HELQ: variants seen among roughly 807,000 people sequenced by gnomAD.
HELQ encodes the protein helicase POLQ-like.
HELQ carries 77 observed loss-of-function variants against 111.6 expected under a neutral mutation model. That is an observed-to-expected ratio of 0.69 (90% CI 0.57 to 0.83). The LOEUF is 0.83. Among genes scored for constraint, HELQ ranks in the 40% least tolerant of loss-of-function variants. The pLI is 0.00. For synonymous variants in HELQ, 438 were observed against 454.7 expected (o/e 0.96, Z 0.47); for missense variants, 1,200 against 1,288.5 (o/e 0.93, Z 1.05).
intron 16 of HELQ, among the ~76,000 whole-genome samples, 193 bp downstream of exon 16, chr4:83,417,900 T>A (rs765926831): frequency 6.6e-6 from 1 of 152,024 alleles, no homozygotes; most frequent in Non-Finnish European, 1.5e-5. Context: ...TTTCATCAGG[T>A]ATGCCATCTA....
chr4:83,455,462 C>CA lies in HELQ; in HGVS notation c.231dup (p.Gly78TrpfsTer4). 6.2e-7 allele frequency: 1 copy of CA among 1,614,200 alleles called. No homozygotes were observed. The highest frequency in any genetic ancestry group is 1.1e-5 in the South Asian group (1 of 91,084). On this transcript the variant is annotated frameshift_variant, in exon 1 of 18. Coordinates refer to ENST00000295488, the MANE Select transcript of HELQ (RefSeq NM_133636.5). LOFTEE classifies it high-confidence loss of function. ...AGGTCCGGGTTTGTATCACCACCTC[C>CA]AAGGACGAGACATTCCGGGGAATCT...
Position 83,441,330 on chromosome 4 carries a change from G to A in HELQ, c.1637C>T (p.Thr546Ile). The A allele has an allele frequency of 6.3e-7, 1 of 1,590,150 alleles. No homozygotes were observed. Among genetic ancestry groups the A allele is most frequent in the South Asian group, 1.1e-5 (1 of 89,250 alleles). Residue 546 changes from threonine (T) to isoleucine (I), a missense_variant, in exon 7 of 18, where the codon ACT becomes ATT. By Grantham distance (89) the Thr-to-Ile change is moderately conservative. Transcript: ENST00000295488. Reference sequence around the variant, plus strand: ...CTTATAATTAAGAAGACGTGAAAAAGTCATGCCATTCTCAGCTTTGCTGTC... The same window carrying A: ...CTTATAATTAAGAAGACGTGAAAAAATCATGCCATTCTCAGCTTTGCTGTC... The part of the protein sequence containing the change: ...EVDSKAENGM[T>I]FSRLLNYKYS...
chr4:83,443,579 T>C lies in HELQ; in HGVS notation c.1501A>G (p.Asn501Asp). 1 of 1,587,516 alleles carries C rather than the reference T, an allele frequency of 6.3e-7. No homozygotes were observed. Among genetic ancestry groups the C allele is most frequent in the Non-Finnish European group, 8.6e-7 (1 of 1,159,060 alleles). ...AACTTTTGTAGGTCTTCAACATTGT[T>C]TAATGTTGCACTCATACCAATAATT... ...TQIIGMSATL[N>D]NVEDLQKFLQ... Residue 501 changes from asparagine (N) to aspartate (D), a missense_variant, in exon 6 of 18, where the codon AAC (asparagine) becomes GAC (aspartate). This residue lies in a region of HELQ where 610 missense variants were observed against 607.1 expected (regional missense o/e 1.00). Transcript: ENST00000295488.
chr4:83,423,109 T>C (rs1338835473), intron 14 of HELQ, among the ~76,000 whole-genome samples: 2 of 151,896 alleles, frequency 1.3e-5, no homozygotes, highest in African/African-American at 2.4e-5. Context: ...GGCAAAAAGA[T>C]GAACTTAAAA....
chr4:83,418,585 A>G (rs1739485287), intron 15 of HELQ, among the ~76,000 whole-genome samples: 1 of 152,246 alleles, frequency 6.6e-6, no homozygotes, highest in South Asian at 2.1e-4. Flanking sequence ...CAAATGTAAC[A>G]TGATGTTCAA....
At position 83,453,514 on chromosome 4, in the gene HELQ, G is replaced by C. The variant is rs1438432073; in HGVS notation, c.729C>G (p.Pro243=). 1 of 1,613,736 alleles carries C rather than the reference G, an allele frequency of 6.2e-7. No homozygotes were observed. The highest frequency in any genetic ancestry group is 1.7e-5 in the Admixed American group (1 of 59,942). ...TGGAAGAGGACTCATCATTTTGCTG[G>C]GGTTGCTCTATGCAATTATGGGGCA... The part of the protein sequence containing the change: ...EELPHNCIEQ[P]QQNDESSSKV... The change falls in exon 2 of 18, where the codon CCC becomes CCG. Residue 243 remains proline, a synonymous_variant. Transcript: ENST00000295488.
chr4:83,455,502 C>CT lies in HELQ; in HGVS notation c.191dup (p.Pro65AlafsTer17). The CT allele has an allele frequency of 1.9e-6, 3 of 1,614,166 alleles. No individual in the cohort carries two copies. The highest frequency in any genetic ancestry group is 2.2e-5 in the South Asian group (2 of 91,082). On this transcript the variant is annotated frameshift_variant, in exon 1 of 18. Coordinates refer to ENST00000295488, the MANE Select transcript of HELQ (RefSeq NM_133636.5). LOFTEE classifies it high-confidence loss of function. ...CCGGGGAATCTGAGAGTAGAAGGGG[C>CT]TGTACCTCAACCGGCAGTACGCCCG...
In HELQ at chr4:83,453,523, T is replaced by C. The variant is rs1231542084; in HGVS notation, c.720A>G (p.Ile240Met). 1 of 1,613,774 alleles carries C rather than the reference T, an allele frequency of 6.2e-7. No individual in the cohort carries two copies. The highest frequency in any genetic ancestry group is 8.5e-7 in the Non-Finnish European group (1 of 1,179,926). ...ACTCATCATTTTGCTGGGGTTGCTC[T>C]ATGCAATTATGGGGCAGTTCCTCAT... ...TVNEELPHNCIEQPQQNDESS... is the reference protein window; with the variant it reads ...TVNEELPHNCMEQPQQNDESS... The change falls in exon 2 of 18, where the codon ATA becomes ATG. Residue 240 changes from isoleucine (I) to methionine (M), a missense_variant. Ile to Met is a conservative substitution (Grantham distance 10). This residue lies in a region of HELQ where 610 missense variants were observed against 607.1 expected (regional missense o/e 1.00). Transcript: ENST00000295488.
At chr4:83,439,192 C>A (rs7660458) in intron 8 of HELQ, among the ~76,000 whole-genome samples, 10,411 of 151,782 alleles carry the variant, frequency 0.069, 1,216 homozygotes, top group African/African-American at 0.24. Flanking sequence ...CTTAGCCTCC[C>A]GAGTAGCTAG....
intron 17 of HELQ, among the ~76,000 whole-genome samples, chr4:83,414,238 G>C (rs1166369980): frequency 6.6e-6 from 1 of 152,138 alleles, no homozygotes; most frequent in Non-Finnish European, 1.5e-5. Flanking sequence ...ACAGTACATT[G>C]TAGGCAGCTT....
At chr4:83,417,150 C>T (rs1258879037) in intron 16 of HELQ, among the ~76,000 whole-genome samples, 1 of 151,908 alleles carries the variant, frequency 6.6e-6, no homozygotes, top group Non-Finnish European at 1.5e-5. Context: ...CTCATATCCT[C>T]AAGTAAAATG....
chr4:83,410,920 G>A (rs1739050689), intron 17 of HELQ, among the ~76,000 whole-genome samples: 1 of 151,764 alleles, frequency 6.6e-6, no homozygotes, highest in Non-Finnish European at 1.5e-5. Context: ...GGAGGCCAAG[G>A]TGGGCAGATT....
rs372487292 is a variant in HELQ at position 83,429,625 on chromosome 4, A to G, written c.2417T>C (p.Leu806Pro). The G allele has an allele frequency of 3.9e-5, 63 of 1,612,306 alleles. No homozygotes were observed. Among genetic ancestry groups the G allele is most frequent in the Non-Finnish European group, 5.3e-5 (63 of 1,178,660 alleles). Residue 806 changes from leucine to proline, a missense_variant, in exon 12 of 18, where the codon CTG becomes CCG. By Grantham distance (98) the Leu-to-Pro change is moderately conservative (BLOSUM62 -3). Around this residue, in one of 3 missense-constraint regions of HELQ, gnomAD observed 585 missense variants for 665.3 expected, o/e 0.88. Transcript: ENST00000295488. ...WEITVESLRYLTEKGLLQKDT... is the reference protein window; with the variant it reads ...WEITVESLRYPTEKGLLQKDT... ...TTTTTGTAGGAGTCCTTTTTCTGTC[A>G]GGTATCTAAGTGATTCAACAGTTAT...
intron 11 of HELQ, among the ~76,000 whole-genome samples, chr4:83,431,308 C>A (rs796538608): frequency 4.6e-5 from 7 of 151,972 alleles, no homozygotes; most frequent in African/African-American, 1.7e-4. Flanking sequence ...CAACCACTTG[C>A]CAAGCATTAG....
intron 8 of HELQ, 115 bp from the exon 9 acceptor site, chr4:83,437,212 G>T: frequency 2.1e-6 from 2 of 964,432 alleles, no homozygotes; most frequent in Non-Finnish European, 3.1e-6. Flanking sequence ...TATTTCCATT[G>T]AGTTAAGTAC....
chr4:83,415,273 G>C (rs774388686), intron 17 of HELQ, among the ~76,000 whole-genome samples: 26 of 152,230 alleles, frequency 1.7e-4, no homozygotes, highest in Non-Finnish European at 2.9e-4. Context: ...ATTTAATACA[G>C]ATAAAAGCAA....
intron 2 of HELQ, among the ~76,000 whole-genome samples, chr4:83,450,854 G>A (rs1721324822): frequency 6.6e-6 from 1 of 152,032 alleles, no homozygotes; most frequent in South Asian, 2.1e-4. Context: ...TAGTCCCCAC[G>A]ACTTGGGAGG....
rs943639352 is a variant in HELQ, at chr4:83,407,416, T to C, written c.*37A>G. 13 of 1,304,308 alleles carry C rather than the reference T, an allele frequency of 1.0e-5. No homozygotes were observed. The highest frequency in any genetic ancestry group is 1.2e-5 in the Non-Finnish European group (11 of 925,458). The allele number at this position is 1,304,308 out of a possible 1,614,324, so 80.8% of individuals were successfully genotyped here. A position where few individuals can be genotyped will look rare whatever the true frequency, so the allele number is the denominator to read the frequency against. ...TATCTTTAATAACACACATGTACAA[T>C]AAATAATTCATATATGAAAATTCTC... On this transcript the variant is annotated 3_prime_UTR_variant, in exon 18 of 18. Transcript: ENST00000295488.
chr4:83,455,132 C>A, intron 1 of HELQ: 1 of 492,724 alleles, frequency 2.0e-6, no homozygotes, highest in Non-Finnish European at 3.5e-6. Flanking sequence ...TTTATTTGTA[C>A]AGTAGGAGCT....
Sources: allele counts gnomAD v4.1 joint callset (sites outside exome capture counted in the v4.1 genomes callset), GRCh38; gene constraint gnomAD v4.1.1; regional missense constraint gnomAD v4.1.1; transcripts MANE v1.5; gene names NCBI Gene and HGNC (gene_info 2026-07-23, HGNC 2026-07-21).